Variants in TPH2 observed in about 807,000 individuals in gnomAD.
TPH2 encodes the protein tryptophan hydroxylase 2.
Under a neutral mutation model 59.1 loss-of-function variants are expected in TPH2, and 27 were observed. The observed-to-expected ratio is 0.46, with a 90% CI of 0.34 to 0.63. The LOEUF (loss-of-function observed/expected upper bound fraction) is 0.63, where lower values mean the gene tolerates loss of function less well. TPH2 is among the 30% of genes least tolerant of loss of function. The probability of loss-of-function intolerance (pLI) is 0.01; values close to 1 mark genes in which losing one functional copy is unlikely to be tolerated. For missense variants in TPH2, 523 were observed against 588.3 expected (o/e 0.89, Z 1.15); for synonymous variants, 220 against 210.5 (o/e 1.05, Z -0.39).
Position 72,031,235 on chromosome 12 carries a change from A to G in TPH2, c.1165-23A>G, listed in dbSNP as rs1247820424. The G allele has an allele frequency of 9.3e-6, 15 of 1,612,968 alleles. No individual in the cohort carries two copies. In the Admixed American group the frequency reaches 1.2e-4, roughly 13 times the overall value. On this transcript the variant is annotated intron_variant, in intron 9 of 10. Coordinates refer to ENST00000333850, the MANE Select transcript of TPH2 (RefSeq NM_173353.4). ...CGGAAGTCTCATTACAGAGTTTAAC[A>G]GGTTTTGTGGTATATTTTGCAGCAC...
intron 8 of TPH2, among the ~76,000 whole-genome samples, chr12:72,021,370 T>C (rs1391839075): frequency 6.7e-6 from 1 of 149,152 alleles, no homozygotes; most frequent in Non-Finnish European, 1.5e-5. Context: ...TGTGTGTGTG[T>C]GTGTGTGTGT....
chr12:71,972,447 G>A, intron 5 of TPH2, 72 bp from the exon 6 acceptor site: 1 of 1,447,074 alleles, frequency 6.9e-7, no homozygotes, highest in Non-Finnish European at 9.7e-7. Flanking sequence ...CTTGTGATAG[G>A]TATTGAGGTG....
intron 6 of TPH2, among the ~76,000 whole-genome samples, chr12:71,974,125 C>G (rs1872050277): frequency 6.6e-6 from 1 of 152,090 alleles, no homozygotes; most frequent in Admixed American, 6.5e-5. Context: ...TTTCCTGGAA[C>G]TTGCTTTCTT....
intron 6 of TPH2, 54 bp from the exon 7 acceptor site, chr12:71,978,898 C>CT: frequency 3.1e-6 from 5 of 1,611,438 alleles, no homozygotes; most frequent in Non-Finnish European, 3.4e-6. Flanking sequence ...CCTGCTTGGG[C>CT]CCTCAAGTCT....
intron 8 of TPH2, among the ~76,000 whole-genome samples, chr12:71,997,946 A>T (rs1305612585): frequency 2.0e-5 from 3 of 152,302 alleles, no homozygotes; most frequent in Non-Finnish European, 4.4e-5. Flanking sequence ...GCTGGGCTTC[A>T]GGATAGGGGG....
At chr12:71,939,412 A>AG (rs1188790090) in intron 1 of TPH2, among the ~76,000 whole-genome samples, 3 of 152,044 alleles carry the variant, frequency 2.0e-5, no homozygotes, top group South Asian at 2.1e-4. Flanking sequence ...AAAAAAAAAA[A>AG]AATGGAGTGT....
At position 71,984,935 on chromosome 12, in the gene TPH2, C is replaced by G. The variant is rs139541200; in HGVS notation, c.941+5848C>G. 4.2e-3 allele frequency among the ~76,000 whole-genome samples: 644 copies of G among 152,296 alleles called. 7 individuals carry two copies. Among genetic ancestry groups the G allele is most frequent in the African/African-American group, 0.014 (586 of 41,560 alleles). ...CCCAAGACCTGAAAATACTTTAATT[C>G]CTTCCATCCTTCAGCATAGATAATC... On this transcript the variant is annotated intron_variant, in intron 7 of 10. Transcript: ENST00000333850.
chr12:71,969,727 A>T (rs779941010), intron 5 of TPH2, among the ~76,000 whole-genome samples: 15 of 152,202 alleles, frequency 9.9e-5, no homozygotes, highest in Non-Finnish European at 1.9e-4. Flanking sequence ...GGGATGTGAA[A>T]AATCAATTTT....
At chr12:71,996,061 C>T (rs1401273357) in intron 8 of TPH2, among the ~76,000 whole-genome samples, 1 of 152,166 alleles carries the variant, frequency 6.6e-6, no homozygotes, top group African/African-American at 2.4e-5. Context: ...AGCAGCTTAG[C>T]TGAGTGGTTC....
chr12:71,957,793 A>G (rs1871553689), intron 5 of TPH2, among the ~76,000 whole-genome samples: 1 of 152,334 alleles, frequency 6.6e-6, no homozygotes, highest in Non-Finnish European at 1.5e-5. Flanking sequence ...TTTAATCTGG[A>G]AAATTGCCCC....
At chr12:71,980,502 A>AT (rs879655631) in intron 7 of TPH2, among the ~76,000 whole-genome samples, 6 of 147,218 alleles carry the variant, frequency 4.1e-5, no homozygotes, top group South Asian at 2.2e-4. Flanking sequence ...AGGTCACTAC[A>AT]TTTTTTTTTT....
chr12:71,976,323 C>T (rs572434768), intron 6 of TPH2, among the ~76,000 whole-genome samples: 155 of 152,268 alleles, frequency 1.0e-3, no homozygotes, highest in African/African-American at 2.9e-3. Context: ...CTGGATATAT[C>T]GCCTAGTTTG....
intron 8 of TPH2, among the ~76,000 whole-genome samples, chr12:72,015,768 C>T (rs12231356): frequency 0.09 from 13,702 of 152,068 alleles, 685 homozygotes; most frequent in East Asian, 0.13. Flanking sequence ...TCTGAAAGGA[C>T]CCTGGAATTC....
At chr12:72,012,407 A>C (rs941819840) in intron 8 of TPH2, among the ~76,000 whole-genome samples, 3 of 152,188 alleles carry the variant, frequency 2.0e-5, no homozygotes, top group African/African-American at 7.2e-5. Flanking sequence ...CAGAGAGAAC[A>C]CAGTGTGCAA....
chr12:71,999,331 T>C (rs1395913458), intron 8 of TPH2, among the ~76,000 whole-genome samples: 2 of 152,272 alleles, frequency 1.3e-5, no homozygotes, highest in Admixed American at 6.5e-5. Flanking sequence ...AAGAAATTGA[T>C]GACAATGCTT....
rs549039496 is a variant in TPH2 at position 71,955,867 on chromosome 12, T to G, written c.608+6212T>G. Among the ~76,000 whole-genome samples, 6 of 152,362 alleles carry G rather than the reference T, an allele frequency of 3.9e-5. No homozygotes were observed. The East Asian group carries it at 1.2e-3, about 29-fold the overall frequency. On this transcript the variant is annotated intron_variant, in intron 5 of 10. Coordinates refer to ENST00000333850, the MANE Select transcript of TPH2 (RefSeq NM_173353.4). ...TGACTTCTGTCTGATTTTTACACTA[T>G]ATTAGTTATTGATACATAAAAAATA...
chr12:71,979,053 C>T lies in TPH2; in HGVS notation c.907C>T (p.Arg303Trp), dbSNP rs120074176. 3.3e-5 allele frequency: 54 copies of T among 1,614,126 alleles called. No homozygotes were observed. Among genetic ancestry groups the T allele is most frequent in the Non-Finnish European group, 4.5e-5 (53 of 1,180,004 alleles). ...YRVFHCTQYI[R>W]HGSDPLYTPE... ...AGTGTTCCACTGTACCCAGTACATC[C>T]GGCATGGCTCAGATCCCCTCTACAC... is the stretch of plus-strand genomic sequence containing the variant. The change falls in exon 7 of 11, where the codon CGG becomes TGG. Residue 303 changes from arginine (R) to tryptophan (W), a missense_variant. Coordinates refer to ENST00000333850, the MANE Select transcript of TPH2 (RefSeq NM_173353.4).
At chr12:71,996,379 T>C (rs1872695745) in intron 8 of TPH2, among the ~76,000 whole-genome samples, 1 of 152,138 alleles carries the variant, frequency 6.6e-6, no homozygotes, top group African/African-American at 2.4e-5. Flanking sequence ...TCAACTGGAG[T>C]GGAATTAGTT....
intron 8 of TPH2, among the ~76,000 whole-genome samples, chr12:72,001,116 C>T (rs1205656286): frequency 6.6e-6 from 1 of 152,190 alleles, no homozygotes; most frequent in African/African-American, 2.4e-5. Context: ...ACAGATGTTT[C>T]CAAAGCAGAA....
Sources: allele counts gnomAD v4.1 joint callset (sites outside exome capture counted in the v4.1 genomes callset), GRCh38; gene constraint gnomAD v4.1.1; transcripts MANE v1.5; gene names NCBI Gene and HGNC (gene_info 2026-07-23, HGNC 2026-07-21).